The following PKHD1 variants were observed in gnomAD, a reference collection of about 807,000 sequenced individuals.
The protein encoded by PKHD1 is PKHD1 ciliary IPT domain containing fibrocystin/polyductin, also known as fibrocystin.
A neutral mutation model predicts 412.0 loss-of-function variants in PKHD1; 291 were observed. That is an observed-to-expected ratio of 0.71 (90% CI 0.64 to 0.78). The LOEUF is 0.78. Among genes scored for constraint, PKHD1 ranks in the 30% least tolerant of loss-of-function variants. The pLI, the probability that PKHD1 is intolerant of heterozygous loss-of-function variation, is 0.00. For missense variants in PKHD1, 4,825 were observed against 4,950.7 expected, an observed-to-expected ratio of 0.97 and a Z score of 0.76; for synonymous variants, 1,777 against 1,821.5, an observed-to-expected ratio of 0.98 and a Z score of 0.62.
At chr6:51,733,336 C>T (rs987767239) in intron 60 of PKHD1, among the ~76,000 whole-genome samples, 6 of 151,906 alleles carry the variant, frequency 3.9e-5, no homozygotes, top group Non-Finnish European at 5.9e-5. Flanking sequence ...GTCAGGAGAC[C>T]TAGATCATCC....
At chr6:51,793,886 C>T (rs1323565958) in intron 52 of PKHD1, among the ~76,000 whole-genome samples, 4 of 152,076 alleles carry the variant, frequency 2.6e-5, no homozygotes, top group Admixed American at 6.6e-5. Flanking sequence ...TGGTTGTATA[C>T]CCAGTAATGG....
intron 43 of PKHD1, among the ~76,000 whole-genome samples, chr6:51,887,583 T>A (rs1050108046): frequency 6.6e-6 from 1 of 152,068 alleles, no homozygotes; most frequent in Non-Finnish European, 1.5e-5. Flanking sequence ...AGTAAGTGAG[T>A]TCTCATGAGA....
intron 51 of PKHD1, among the ~76,000 whole-genome samples, chr6:51,834,931 G>A (rs1768927418): frequency 6.6e-6 from 1 of 152,058 alleles, no homozygotes; most frequent in Non-Finnish European, 1.5e-5. Context: ...TCCTATCTAG[G>A]CTCATATGAC....
intron 60 of PKHD1, among the ~76,000 whole-genome samples, chr6:51,725,584 A>G (rs146211501): frequency 6.6e-6 from 1 of 152,326 alleles, no homozygotes; most frequent in East Asian, 1.9e-4. Flanking sequence ...GTGCTTGTGC[A>G]TGACTGTCTT....
chr6:51,934,078 C>T (rs1422008589), intron 37 of PKHD1, 32 bp downstream of exon 37: 2 of 1,518,072 alleles, frequency 1.3e-6, no homozygotes, highest in East Asian at 2.3e-5. Flanking sequence ...CACAGCTCTA[C>T]TTCATTTCCT....
chr6:51,939,390 G>A lies in PKHD1; in HGVS notation c.5909-5068C>T, dbSNP rs188644267. On this transcript the variant is annotated intron_variant, in intron 36 of 66. Coordinates refer to ENST00000371117, the MANE Select transcript of PKHD1 (RefSeq NM_138694.4). ...TCTACTCTCTCTTTTCTCTTGGCTC[G>A]CCTCCTTCACTATGGGCAGCCTTCC... Among the ~76,000 whole-genome samples, 85 of 151,008 alleles carry A rather than the reference G, an allele frequency of 5.6e-4. 1 individual carries two copies. In the East Asian group the frequency reaches 0.012, roughly 21 times the overall value.
intron 27 of PKHD1, 152 bp from the exon 28 acceptor site, chr6:52,035,873 TA>T: frequency 1.3e-6 from 1 of 757,500 alleles, no homozygotes. Flanking sequence ...AAACTGGAGT[TA>T]AATATATAAA....
chr6:51,974,262 T>G (rs1338905445), intron 35 of PKHD1, among the ~76,000 whole-genome samples: 1 of 152,198 alleles, frequency 6.6e-6, no homozygotes, highest in Non-Finnish European at 1.5e-5. Context: ...AAAAACATTT[T>G]TTAATCAATC....
chr6:52,065,904 T>G, intron 12 of PKHD1, 72 bp downstream of exon 12: 2 of 810,916 alleles, frequency 2.5e-6, no homozygotes, highest in Non-Finnish European at 4.4e-6. Flanking sequence ...GCATCCCTCA[T>G]GCCATACAGA....
chr6:51,760,822 A>G (rs1582518810), intron 55 of PKHD1, among the ~76,000 whole-genome samples: 1 of 152,120 alleles, frequency 6.6e-6, no homozygotes, highest in Admixed American at 6.6e-5. Flanking sequence ...GTAACAAATG[A>G]CTTGATTTCT....
chr6:51,808,738 A>C (rs60525471), intron 52 of PKHD1, among the ~76,000 whole-genome samples: 16,017 of 152,040 alleles, frequency 0.11, 913 homozygotes, highest in East Asian at 0.14. Context: ...TCATATTTGC[A>C]ATTTTTACAT....
intron 43 of PKHD1, among the ~76,000 whole-genome samples, chr6:51,896,993 C>A (rs949915752): frequency 1.3e-5 from 2 of 151,384 alleles, no homozygotes; most frequent in African/African-American, 2.4e-5. Context: ...AGCAAAGCCT[C>A]CAAGAAATAT....
chr6:51,898,914 A>G (rs997289357), intron 43 of PKHD1, among the ~76,000 whole-genome samples: 1 of 152,250 alleles, frequency 6.6e-6, no homozygotes, highest in African/African-American at 2.4e-5. Flanking sequence ...TAGAAAATTT[A>G]GAAGAAATGG....
At chr6:51,626,115 C>A (rs940698473) in intron 66 of PKHD1, among the ~76,000 whole-genome samples, 1 of 151,748 alleles carries the variant, frequency 6.6e-6, no homozygotes, top group African/African-American at 2.4e-5. Flanking sequence ...TGTGCATGCA[C>A]ACACACACAC....
intron 36 of PKHD1, 129 bp from the exon 37 acceptor site, chr6:51,934,451 C>T (rs770329945): frequency 4.2e-6 from 3 of 717,118 alleles, no homozygotes; most frequent in Non-Finnish European, 7.6e-6. Flanking sequence ...TTATCATGCT[C>T]TCTCTTGTAG....
intron 56 of PKHD1, 110 bp from the exon 57 acceptor site, chr6:51,753,463 G>A: frequency 1.2e-6 from 1 of 869,534 alleles, no homozygotes; most frequent in Non-Finnish European, 1.9e-6. Context: ...CCCCTCAGAA[G>A]TTCTACCAAC....
intron 60 of PKHD1, among the ~76,000 whole-genome samples, chr6:51,686,737 C>T (rs1018395338): frequency 6.6e-6 from 1 of 152,134 alleles, no homozygotes; most frequent in Admixed American, 6.6e-5. Flanking sequence ...GCACCAGGCA[C>T]ATAGTAGACT....
chr6:51,847,898 G>A lies in PKHD1; in HGVS notation c.7984C>T (p.Pro2662Ser), dbSNP rs746910645. The A allele has an allele frequency of 6.2e-7, 1 of 1,613,852 alleles. No individual in the cohort carries two copies. The highest frequency in any genetic ancestry group is 8.5e-7 in the Non-Finnish European group (1 of 1,179,758). The change falls in exon 50 of 67, where the codon CCT becomes TCT. Residue 2662 changes from proline to serine, a missense_variant. Transcript: ENST00000371117. ...CTCCCACATCTTAGGAGGATGTCAG[G>A]GTAAGGCGGCAAATCTGTGTGCACC... The part of the protein sequence containing the change: ...LLVHTDLPPY[P>S]DILLRCGSRV...
rs1245635020 is a variant in PKHD1, at chr6:51,772,782, A to G, written c.8562T>C (p.Tyr2854=). ...IHIDPGTIGV[Y]GKVHLYSAYP... ...AAGCACTGTAAAGATGAACTTTCCCATAAACCCCTGAAAATAAAAGGAGTA... is the reference window on the plus strand; with the variant it reads ...AAGCACTGTAAAGATGAACTTTCCCGTAAACCCCTGAAAATAAAAGGAGTA... Residue 2854 remains tyrosine (Y), a synonymous_variant, in exon 55 of 67, where the codon TAT becomes TAC. Transcript: ENST00000371117. 5.1e-6 allele frequency: 8 copies of G among 1,565,440 alleles called. No homozygotes were observed. The highest frequency in any genetic ancestry group is 1.7e-5 in the Admixed American group (1 of 59,744).
Sources: allele counts gnomAD v4.1 joint callset (sites outside exome capture counted in the v4.1 genomes callset), GRCh38; gene constraint gnomAD v4.1.1; transcripts MANE v1.5; gene names NCBI Gene and HGNC (gene_info 2026-07-23, HGNC 2026-07-21).